The following DGKB variants were observed in gnomAD, a reference collection of about 807,000 sequenced individuals.
The protein encoded by DGKB is diacylglycerol kinase beta.
A neutral mutation model predicts 114.3 loss-of-function variants in DGKB; 67 were observed. The ratio of observed to expected loss-of-function variants is 0.59; its 90% CI spans 0.48 to 0.72. The LOEUF is 0.72. Ranked by LOEUF, DGKB falls within the 30% of genes least tolerant of loss-of-function variation. DGKB has a pLI of 0.00. For synonymous variants in DGKB, 398 were observed against 323.1 expected, an observed-to-expected ratio of 1.23 and a Z score of -2.49; for missense variants, 907 against 975.2, an observed-to-expected ratio of 0.93 and a Z score of 0.93.
At chr7:14,239,038 T>A (rs958714677) in intron 23 of DGKB, among the ~76,000 whole-genome samples, 9 of 152,042 alleles carry the variant, frequency 5.9e-5, no homozygotes, top group Non-Finnish European at 1.2e-4. Flanking sequence ...ACTGCCTAAC[T>A]TTGTAACTGC....
At chr7:14,170,483 C>T (rs1244853753) in intron 25 of DGKB, among the ~76,000 whole-genome samples, 1 of 152,138 alleles carries the variant, frequency 6.6e-6, no homozygotes, top group African/African-American at 2.4e-5. Context: ...TAGGTATTGT[C>T]ACCAGGGTTT....
At chr7:14,926,275 C>T (rs1247242389) in intron 1 of DGKB, among the ~76,000 whole-genome samples, 1 of 151,904 alleles carries the variant, frequency 6.6e-6, no homozygotes, top group Non-Finnish European at 1.5e-5. Context: ...TGTCAGACAA[C>T]CACACCATTT....
At chr7:14,205,775 T>A (rs1386896837) in intron 23 of DGKB, among the ~76,000 whole-genome samples, 1 of 151,986 alleles carries the variant, frequency 6.6e-6, no homozygotes, top group African/African-American at 2.4e-5. Context: ...GCTTCTATGT[T>A]GTACTCTGCA....
At position 14,184,637 on chromosome 7, in the gene DGKB, A is replaced by G. The variant is rs553429616; in HGVS notation, c.2123-6486T>C. Among the ~76,000 whole-genome samples, 9 of 151,854 alleles carry G rather than the reference A, an allele frequency of 5.9e-5. No homozygotes were observed. The South Asian group carries it at 1.9e-3, about 32-fold the overall frequency. ...CAGCTGCAGCAAGACCCACCCAAGG[A>G]GAGTCTGAGCTCAGAAATGCCTAAC... On this transcript the variant is annotated intron_variant, in intron 23 of 25. Transcript: ENST00000402815.
rs370169070 is a variant in DGKB at position 14,241,427 on chromosome 7, G to A, written c.2123-63276C>T. Reference sequence around the variant, plus strand: ...ATATACTATAATTAAATATATAAATGTTATGTTCCTAAACCCAAGTTATAC... The same window carrying A: ...ATATACTATAATTAAATATATAAATATTATGTTCCTAAACCCAAGTTATAC... On this transcript the variant is annotated intron_variant, in intron 23 of 25. Coordinates refer to ENST00000402815, the MANE Select transcript of DGKB (RefSeq NM_001350709.2). Among the ~76,000 whole-genome samples, 6 of 151,378 alleles carry A rather than the reference G, an allele frequency of 4.0e-5. No individual in the cohort carries two copies. In the East Asian group the frequency reaches 1.2e-3, roughly 30 times the overall value.
chr7:14,889,720 A>T (rs1202041698), intron 1 of DGKB, among the ~76,000 whole-genome samples: 1 of 151,648 alleles, frequency 6.6e-6, no homozygotes, highest in East Asian at 1.9e-4. Context: ...AGAAATGGAA[A>T]GGAAAAGAGT....
chr7:14,855,423 G>C (rs1849997488), intron 1 of DGKB, among the ~76,000 whole-genome samples: 1 of 152,056 alleles, frequency 6.6e-6, no homozygotes, highest in South Asian at 2.1e-4. Flanking sequence ...GGACATACTA[G>C]AAAAAAGATC....
At chr7:14,151,913 G>A (rs921088523) in intron 25 of DGKB, among the ~76,000 whole-genome samples, 10 of 151,946 alleles carry the variant, frequency 6.6e-5, no homozygotes, top group Admixed American at 4.6e-4. Context: ...AAAATCCTAC[G>A]AGAGTAATTC....
At position 14,609,831 on chromosome 7, in the gene DGKB, A is replaced by C. The variant is rs942261509; in HGVS notation, c.1359-2323T>G. 1.8e-4 allele frequency among the ~76,000 whole-genome samples: 27 copies of C among 152,100 alleles called. 1 individual carries two copies. Among genetic ancestry groups the C allele is most frequent in the Non-Finnish European group, 1.5e-5 (1 of 67,994 alleles). Reference sequence around the variant, plus strand: ...TAAAACCACAATAAAACACCATCTCACGCCAATCAGAATGGCTATTATTAA... The same window carrying C: ...TAAAACCACAATAAAACACCATCTCCCGCCAATCAGAATGGCTATTATTAA... On this transcript the variant is annotated intron_variant, in intron 16 of 25. Coordinates refer to ENST00000402815, the MANE Select transcript of DGKB (RefSeq NM_001350709.2).
intron 3 of DGKB, among the ~76,000 whole-genome samples, chr7:14,756,813 C>G (rs1438196167): frequency 6.6e-6 from 1 of 151,414 alleles, no homozygotes; most frequent in African/African-American, 2.4e-5. Flanking sequence ...CTAGTTAATA[C>G]ATCCTGACAA....
chr7:14,280,927 C>A (rs28816521), intron 23 of DGKB, among the ~76,000 whole-genome samples: 2 of 151,700 alleles, frequency 1.3e-5, no homozygotes, highest in African/African-American at 4.9e-5. Context: ...GAAAGACCAT[C>A]GAGACTAGGA....
chr7:14,414,764 T>G (rs1825442373), intron 21 of DGKB, among the ~76,000 whole-genome samples: 1 of 152,134 alleles, frequency 6.6e-6, no homozygotes, highest in African/African-American at 2.4e-5. Context: ...GACTTCATTC[T>G]AAATAGGTTG....
At chr7:14,343,704 A>T (rs1313681218) in intron 22 of DGKB, among the ~76,000 whole-genome samples, 1 of 151,404 alleles carries the variant, frequency 6.6e-6, no homozygotes, top group African/African-American at 2.4e-5. Flanking sequence ...TTCTGCTGCA[A>T]ATTGTATTTG....
intron 2 of DGKB, among the ~76,000 whole-genome samples, chr7:14,784,079 T>C (rs1839507564): frequency 1.3e-5 from 2 of 152,188 alleles, no homozygotes; most frequent in African/African-American, 4.8e-5. Context: ...TTTTTAAACA[T>C]GAATCTTTTA....
chr7:14,505,127 G>T (rs576956095), intron 20 of DGKB, among the ~76,000 whole-genome samples: 1 of 152,226 alleles, frequency 6.6e-6, no homozygotes, highest in South Asian at 2.1e-4. Flanking sequence ...TGCAGTTTGT[G>T]TTCTTAAGAA....
At chr7:14,521,479 T>C (rs576043037) in intron 20 of DGKB, among the ~76,000 whole-genome samples, 82 of 152,304 alleles carry the variant, frequency 5.4e-4, no homozygotes, top group African/African-American at 1.9e-3. Flanking sequence ...TACATCAAGT[T>C]TGAGAAACTT....
chr7:14,811,477 C>A (rs1216972883), intron 2 of DGKB, among the ~76,000 whole-genome samples: 1 of 152,052 alleles, frequency 6.6e-6, no homozygotes, highest in Non-Finnish European at 1.5e-5. Flanking sequence ...ATTGGCTTTT[C>A]TAGATGAAAA....
chr7:14,562,119 G>T (rs1044570296), intron 20 of DGKB, among the ~76,000 whole-genome samples: 1 of 152,202 alleles, frequency 6.6e-6, no homozygotes, highest in African/African-American at 2.4e-5. Context: ...GTTCCAGAGG[G>T]TGCAAGCCCC....
intron 21 of DGKB, among the ~76,000 whole-genome samples, chr7:14,365,973 T>C (rs1356911814): frequency 6.6e-6 from 1 of 152,096 alleles, no homozygotes; most frequent in Non-Finnish European, 1.5e-5. Context: ...GATATATATG[T>C]GCAGAAATAT....
Sources: allele counts gnomAD v4.1 joint callset (sites outside exome capture counted in the v4.1 genomes callset), GRCh38; gene constraint gnomAD v4.1.1; transcripts MANE v1.5; gene names NCBI Gene and HGNC (gene_info 2026-07-23, HGNC 2026-07-21).